The following DMBT1 variants were observed in gnomAD, a reference collection of about 807,000 sequenced individuals.
The protein encoded by DMBT1 is scavenger receptor cysteine-rich domain-containing protein DMBT1.
A neutral mutation model predicts 252.9 loss-of-function variants in DMBT1; 198 were observed. The observed-to-expected ratio is 0.78, with a 90% CI of 0.70 to 0.88. DMBT1 has a LOEUF of 0.88. DMBT1 is among the 40% of genes least tolerant of loss of function. DMBT1 has a pLI of 0.00. For synonymous variants in DMBT1, 990 were observed against 942.7 expected, an observed-to-expected ratio of 1.05 and a Z score of -0.92; for missense variants, 2,432 against 2,404.7, an observed-to-expected ratio of 1.01 and a Z score of -0.24.
intron 24 of DMBT1, 23 bp from the exon 25 acceptor site, chr10:122,597,951 C>A (rs373382948): frequency 6.2e-7 from 1 of 1,613,904 alleles, no homozygotes; most frequent in East Asian, 2.2e-5. Context: ...TAATTCTAGC[C>A]TTTGTCTCTG....
intron 4 of DMBT1, 40 bp from the exon 5 acceptor site, chr10:122,572,274 G>A: frequency 6.2e-7 from 1 of 1,611,958 alleles, no homozygotes; most frequent in Non-Finnish European, 8.5e-7. Context: ...CTTCAAGCAA[G>A]GGCTACCATC....
intron 28 of DMBT1, 55 bp downstream of exon 28, chr10:122,601,078 G>A (rs1198593158): frequency 1.5e-6 from 1 of 670,144 alleles, no homozygotes; most frequent in Non-Finnish European, 2.5e-6. Context: ...CATATTTTGT[G>A]TTTGAAACTG....
At chr10:122,634,449 TC>T (rs1566008475) in intron 52 of DMBT1, among the ~76,000 whole-genome samples, 104 of 74,324 alleles carry the variant, frequency 1.4e-3, no homozygotes, top group African/African-American at 2.2e-3. Context: ...TCTCTCTCTC[TC>T]TCTCTCTCTC....
At chr10:122,571,036 G>T in intron 4 of DMBT1, 99 bp downstream of exon 4, 1 of 1,427,100 alleles carries the variant, frequency 7.0e-7, no homozygotes, top group Non-Finnish European at 9.9e-7. Flanking sequence ...TAGAAGGTAG[G>T]GTGCTGGTGT....
rs781361510 is a variant in DMBT1 at position 122,592,303 on chromosome 10, G to A, written c.2208G>A (p.Val736=). 3 of 1,587,616 alleles carry A rather than the reference G, an allele frequency of 1.9e-6. 1 individual carries two copies. The Admixed American group carries it at 5.0e-5, about 27-fold the overall frequency. ...GSESSLTLRL[V]NGSDRCQGRV... is the part of the protein sequence containing the mutation. ...AATCCAGTTTGACCCTGAGGCTGGT[G>A]AATGGAAGTGACAGGTGTCAGGGCC... Residue 736 remains valine, a synonymous_variant, in exon 20 of 56, where the codon GTG becomes GTA. Transcript: ENST00000338354.
At chr10:122,630,095 C>A in intron 47 of DMBT1, 102 bp downstream of exon 47, 1 of 1,514,418 alleles carries the variant, frequency 6.6e-7, no homozygotes, top group Non-Finnish European at 9.0e-7. Context: ...TCTCATGTGC[C>A]ATGGACAAGC....
At chr10:122,580,422 T>C (rs1297004674) in intron 10 of DMBT1, among the ~76,000 whole-genome samples, 1 of 152,208 alleles carries the variant, frequency 6.6e-6, no homozygotes, top group Non-Finnish European at 1.5e-5. Flanking sequence ...CCTCAGCTCT[T>C]CTCAGAACGC....
chr10:122,641,118 G>A lies in DMBT1; in HGVS notation c.7352+669G>A, dbSNP rs76323028. Among the ~76,000 whole-genome samples the A allele has an allele frequency of 0.013, 1,921 of 152,272 alleles. 81 individuals carry two copies. The East Asian group carries it at 0.13, about 10-fold the overall frequency. On this transcript the variant is annotated intron_variant, in intron 55 of 55. Coordinates refer to ENST00000338354, the MANE Select transcript of DMBT1 (RefSeq NM_001377530.1). ...GAATAGAAGCTCTGGGAGTCCACGG[G>A]TTCCAGTCAAGCTCAGGAGGTGCAG...
Position 122,598,877 on chromosome 10 carries a change from C to G in DMBT1, c.3060C>G (p.Asp1020Glu). The change falls in exon 26 of 56, where the codon GAC (aspartate) becomes GAG (glutamate). Residue 1020 changes from aspartate to glutamate, a missense_variant. Physicochemically the swap from Asp to Glu is conservative, Grantham distance 45. Coordinates refer to ENST00000338354, the MANE Select transcript of DMBT1 (RefSeq NM_001377530.1). ...GCTCCTGGGGCACCGTGTGCGATGACAGCTGGGACACCAATGATGCCAATG... is the reference window on the plus strand; with the variant it reads ...GCTCCTGGGGCACCGTGTGCGATGAGAGCTGGGACACCAATGATGCCAATG... ...YQGSWGTVCD[D>E]SWDTNDANVV... The G allele has an allele frequency of 6.2e-7, 1 of 1,613,860 alleles. No homozygotes were observed. The highest frequency in any genetic ancestry group is 8.5e-7 in the Non-Finnish European group (1 of 1,179,788).
At chr10:122,631,507 A>G (rs117068730) in intron 49 of DMBT1, among the ~76,000 whole-genome samples, 152 of 152,316 alleles carry the variant, frequency 1.0e-3, no homozygotes, top group Non-Finnish European at 1.5e-3. Flanking sequence ...ACCTCCAGCA[A>G]TGATTTTACT....
chr10:122,580,448 G>A (rs2097758249), intron 10 of DMBT1, among the ~76,000 whole-genome samples: 1 of 152,220 alleles, frequency 6.6e-6, no homozygotes. Flanking sequence ...AGCATTGCCT[G>A]TGTTCTAGGT....
At chr10:122,578,358 C>G (rs1306912196) in intron 8 of DMBT1, among the ~76,000 whole-genome samples, 1 of 152,182 alleles carries the variant, frequency 6.6e-6, no homozygotes, top group Non-Finnish European at 1.5e-5. Context: ...CCTGATTTCC[C>G]CCAGGGCGGA....
At position 122,637,239 on chromosome 10, in the gene DMBT1, A is replaced by G; in HGVS notation, c.6869A>G (p.Glu2290Gly). 1 of 1,613,960 alleles carries G rather than the reference A, an allele frequency of 6.2e-7. No individual in the cohort carries two copies. The highest frequency in any genetic ancestry group is 1.1e-5 in the South Asian group (1 of 91,074). Reference protein sequence around the residue: ...LVISTWNGYYECRPQITPNLV... With the variant: ...LVISTWNGYYGCRPQITPNLV... Reference sequence around the variant, plus strand: ...ATTTCCACCTGGAATGGATACTACGAGTGTCGGCCCCAGATAACGCCGAAC... The same window carrying G: ...ATTTCCACCTGGAATGGATACTACGGGTGTCGGCCCCAGATAACGCCGAAC... The change falls in exon 54 of 56, where the codon GAG (glutamate) becomes GGG (glycine). Residue 2290 changes from glutamate (E) to glycine (G), a missense_variant. Physicochemically the swap from Glu to Gly is moderately conservative, Grantham distance 98. Transcript: ENST00000338354.
intron 10 of DMBT1, 69 bp downstream of exon 10, chr10:122,579,970 A>G (rs2097753648): frequency 1.2e-6 from 2 of 1,607,548 alleles, no homozygotes; most frequent in African/African-American, 1.3e-5. Flanking sequence ...TCCTAATTAC[A>G]TTCTGATCTC....
At chr10:122,638,418 C>T (rs1591613377) in intron 54 of DMBT1, among the ~76,000 whole-genome samples, 1 of 152,148 alleles carries the variant, frequency 6.6e-6, no homozygotes, top group African/African-American at 2.4e-5. Flanking sequence ...CTTATTCCTC[C>T]ACTCATTTAT....
rs1005747784 is a variant in DMBT1, at chr10:122,586,525, G to A, written c.1783+142G>A. 1.7e-4 allele frequency: 228 copies of A among 1,349,472 alleles called. 16 individuals are homozygous for A. Among genetic ancestry groups the A allele is most frequent in the East Asian group, 1.0e-3 (40 of 38,412 alleles). 83.6% of individuals were successfully genotyped at this position (1,349,472 alleles called of 1,614,324 possible). A position where few individuals can be genotyped will look rare whatever the true frequency, so the allele number is the denominator to read the frequency against. On this transcript the variant is annotated intron_variant, in intron 16 of 55. Transcript: ENST00000338354. ...CTCCTTAGCTCTCTCCTAGGAAACC[G>A]CATGAGTCTTCACCACATTGCCAGG... is the stretch of plus-strand genomic sequence containing the variant.
intron 19 of DMBT1, 83 bp downstream of exon 19, chr10:122,591,600 C>T: frequency 7.1e-7 from 1 of 1,408,122 alleles, no homozygotes; most frequent in South Asian, 1.3e-5. Context: ...GGATGAGGGT[C>T]AAGGTGGGCC....
In DMBT1 at chr10:122,586,205, G is replaced by T. The variant is rs539603965; in HGVS notation, c.1605G>T (p.Leu535=). 282 of 1,589,090 alleles carry T rather than the reference G, an allele frequency of 1.8e-4. 31 individuals carry two copies. The highest frequency in any genetic ancestry group is 2.3e-4 in the Non-Finnish European group (271 of 1,166,114). ...TNDANVVCRQ[L]GCGWAMLAPG... ...ATGCCAATGTGGTCTGCAGGCAGCTGGGCTGTGGCTGGGCCATGTTGGCCC... is the reference window on the plus strand; with the variant it reads ...ATGCCAATGTGGTCTGCAGGCAGCTTGGCTGTGGCTGGGCCATGTTGGCCC... Residue 535 remains leucine, a synonymous_variant, in exon 16 of 56, where the codon CTG becomes CTT. Coordinates refer to ENST00000338354, the MANE Select transcript of DMBT1 (RefSeq NM_001377530.1).
In DMBT1 at chr10:122,580,254, C is replaced by T. The variant is rs528832794; in HGVS notation, c.1003+353C>T. ...AGACAGCAAGGCAGGGGAGGGATCC[C>T]CTCACTGCGAGGAACTCTGAACTAA... is the stretch of plus-strand genomic sequence containing the variant. On this transcript the variant is annotated intron_variant, in intron 10 of 55. Transcript: ENST00000338354. 2.0e-5 allele frequency among the ~76,000 whole-genome samples: 3 copies of T among 152,286 alleles called. No individual in the cohort carries two copies. The East Asian group carries it at 5.8e-4, about 29-fold the overall frequency.
Sources: allele counts gnomAD v4.1 joint callset (sites outside exome capture counted in the v4.1 genomes callset), GRCh38; gene constraint gnomAD v4.1.1; transcripts MANE v1.5; gene names NCBI Gene and HGNC (gene_info 2026-07-23, HGNC 2026-07-21).